The following SLC7A1 variants were observed in gnomAD, a reference collection of about 807,000 sequenced individuals.
The protein encoded by SLC7A1 is solute carrier family 7 member 1, also known as high affinity cationic amino acid transporter 1.
SLC7A1 carries 10 observed loss-of-function variants against 53.9 expected under a neutral mutation model. The observed-to-expected ratio is 0.19, with a 90% confidence interval of 0.11 to 0.31. The LOEUF (loss-of-function observed/expected upper bound fraction) is 0.31, where lower values mean the gene tolerates loss of function less well. Among genes scored for constraint, SLC7A1 ranks in the 10% least tolerant of loss-of-function variants. The probability of loss-of-function intolerance (pLI) is 1.00; values close to 1 mark genes in which losing one functional copy is unlikely to be tolerated. For missense variants in SLC7A1, 525 were observed against 827.2 expected, an observed-to-expected ratio of 0.63 and a Z score of 4.48; for synonymous variants, 342 against 338.7, an observed-to-expected ratio of 1.01 and a Z score of -0.11.
intron 1 of SLC7A1, among the ~76,000 whole-genome samples, chr13:29,593,611 C>T (rs1872193274): frequency 6.6e-6 from 1 of 152,250 alleles, no homozygotes; most frequent in Non-Finnish European, 1.5e-5. Context: ...AGCCCTCCAA[C>T]ATAATTATCT....
At chr13:29,549,379 G>A (rs1328874573) in intron 2 of SLC7A1, among the ~76,000 whole-genome samples, 1 of 152,082 alleles carries the variant, frequency 6.6e-6, no homozygotes, top group East Asian at 1.9e-4. Flanking sequence ...AGGGTGGAGT[G>A]GCCCTTTCAG....
intron 11 of SLC7A1, 124 bp from the exon 12 acceptor site, chr13:29,516,370 A>T (rs1358137279): frequency 1.5e-6 from 1 of 653,308 alleles, no homozygotes; most frequent in Non-Finnish European, 2.7e-6. Context: ...TGTGGGGAAG[A>T]GAGAGGGAGT....
chr13:29,553,664 A>C (rs2139135872), intron 2 of SLC7A1, 97 bp downstream of exon 2: 1 of 152,364 alleles, frequency 6.6e-6, no homozygotes, highest in South Asian at 2.1e-4. Flanking sequence ...GTTAACTTAA[A>C]AAGTCAACAG....
chr13:29,525,543 TAAAAC>T (rs1868845265), intron 5 of SLC7A1, among the ~76,000 whole-genome samples: 1 of 152,212 alleles, frequency 6.6e-6, no homozygotes, highest in African/African-American at 2.4e-5. Flanking sequence ...CACTGGCTGA[TAAAAC>T]AGACAGACAG....
intron 2 of SLC7A1, among the ~76,000 whole-genome samples, chr13:29,550,207 G>A (rs190164008): frequency 1.1e-3 from 161 of 152,152 alleles, no homozygotes; most frequent in Non-Finnish European, 1.5e-3. Context: ...AACCCACCTC[G>A]CTCCTAAAGT....
rs1883344357 is a variant in SLC7A1 at position 29,509,949 on chromosome 13, C to A, written c.*4531G>T. 6.6e-6 allele frequency: 1 copy of A among 152,572 alleles called. No homozygotes were observed. The highest frequency in any genetic ancestry group is 2.4e-5 in the African/African-American group (1 of 41,418). The allele number at this position is 152,572 out of a possible 1,614,324, so 9.5% of individuals were successfully genotyped here. A position where few individuals can be genotyped will look rare whatever the true frequency, so the allele number is the denominator to read the frequency against. The stretch of plus-strand genomic sequence containing the variant: ...TCATCTTAAATATATATTATAACTT[C>A]TCAAATGGGAAAATAAGTCCCAAAC... On this transcript the variant is annotated 3_prime_UTR_variant, in exon 13 of 13. Coordinates refer to ENST00000380752, the MANE Select transcript of SLC7A1 (RefSeq NM_003045.5).
At chr13:29,552,187 G>T (rs145670269) in intron 2 of SLC7A1, among the ~76,000 whole-genome samples, 15 of 151,248 alleles carry the variant, frequency 9.9e-5, no homozygotes, top group African/African-American at 3.2e-4. Flanking sequence ...TGTTAAGAAT[G>T]TAAGAGAGTG....
chr13:29,519,431 C>T lies in SLC7A1; in HGVS notation c.1292+16G>A. ...ATCTGCATTTCTGTCATGAGACCCC[C>T]AAAAGCCATACATACCGTAAGACCA... On this transcript the variant is annotated intron_variant, in intron 9 of 12. Transcript: ENST00000380752. 1 of 1,521,982 alleles carries T rather than the reference C, an allele frequency of 6.6e-7. No individual in the cohort carries two copies. The highest frequency in any genetic ancestry group is 1.1e-5 in the South Asian group (1 of 88,916). 94.3% of individuals were successfully genotyped at this position (1,521,982 alleles called of 1,614,324 possible).
intron 2 of SLC7A1, among the ~76,000 whole-genome samples, chr13:29,548,131 C>A (rs1029687344): frequency 6.6e-6 from 1 of 152,206 alleles, no homozygotes; most frequent in African/African-American, 2.4e-5. Flanking sequence ...TGAGACACTT[C>A]TCTGGGCCTA....
chr13:29,535,699 A>T, intron 3 of SLC7A1, 120 bp downstream of exon 3: 4 of 956,088 alleles, frequency 4.2e-6, no homozygotes, highest in Non-Finnish European at 6.3e-6. Flanking sequence ...ACATCCTATT[A>T]ATTCTGTGCC....
At chr13:29,588,806 C>T (rs1871992013) in intron 1 of SLC7A1, among the ~76,000 whole-genome samples, 1 of 152,104 alleles carries the variant, frequency 6.6e-6, no homozygotes, top group Admixed American at 6.6e-5. Context: ...TGCCTGGCCT[C>T]TGCAACTTTT....
intron 1 of SLC7A1, among the ~76,000 whole-genome samples, chr13:29,582,391 G>A (rs1191893132): frequency 6.6e-6 from 1 of 152,220 alleles, no homozygotes; most frequent in African/African-American, 2.4e-5. Context: ...GGCTATGACT[G>A]GGTCGCCACA....
chr13:29,523,270 C>T lies in SLC7A1; in HGVS notation c.1045G>A (p.Ala349Thr), dbSNP rs756051752. 21 of 1,612,580 alleles carry T rather than the reference C, an allele frequency of 1.3e-5. No individual in the cohort carries two copies. Among genetic ancestry groups the T allele is most frequent in the Middle Eastern group, 1.7e-4 (1 of 5,936 alleles). The stretch of plus-strand genomic sequence containing the variant: ...CACCACAGAAAGGCCTCTCACCTGG[C>T]GGAAAGAGCGCAGAGGGAGCCCACG... ...VAVGSLCALSASLLGSMFPMP... is the reference protein window; with the variant it reads ...VAVGSLCALSTSLLGSMFPMP... Residue 349 changes from alanine to threonine, a missense_variant, in exon 7 of 13, where the codon GCC becomes ACC. Transcript: ENST00000380752.
chr13:29,570,570 G>A (rs190446969), intron 1 of SLC7A1, among the ~76,000 whole-genome samples: 139 of 152,326 alleles, frequency 9.1e-4, no homozygotes, highest in Non-Finnish European at 1.8e-3. Flanking sequence ...TGATGGGACC[G>A]GGCACGGTGG....
At chr13:29,567,092 C>T (rs1017709278) in intron 1 of SLC7A1, among the ~76,000 whole-genome samples, 1 of 152,202 alleles carries the variant, frequency 6.6e-6, no homozygotes, top group Non-Finnish European at 1.5e-5. Flanking sequence ...ATTTGATAAA[C>T]TCTCCCTACA....
At chr13:29,580,943 A>G (rs1871620946) in intron 1 of SLC7A1, among the ~76,000 whole-genome samples, 1 of 151,692 alleles carries the variant, frequency 6.6e-6, no homozygotes, top group African/African-American at 2.4e-5. Flanking sequence ...CCTGAACCCC[A>G]CATTCCCACC....
intron 1 of SLC7A1, among the ~76,000 whole-genome samples, chr13:29,583,710 A>C (rs1383646548): frequency 2.0e-5 from 3 of 152,232 alleles, no homozygotes; most frequent in Non-Finnish European, 4.4e-5. Context: ...AGAGTCTTTC[A>C]GTAATTAGGC....
intron 5 of SLC7A1, 122 bp downstream of exon 5, chr13:29,530,412 CAATT>C: frequency 1.1e-6 from 1 of 915,856 alleles, no homozygotes; most frequent in Non-Finnish European, 1.7e-6. Flanking sequence ...AAACACAAAA[CAATT>C]AACAAAATAT....
At position 29,518,313 on chromosome 13, in the gene SLC7A1, T is replaced by C. The variant is rs565573359; in HGVS notation, c.1293-523A>G. ...GTACCTTAGGGTAAATAATTCTATG[T>C]GGCTTGTTGGAGGGCCGAGCCTGCA... On this transcript the variant is annotated intron_variant, in intron 9 of 12. Coordinates refer to ENST00000380752, the MANE Select transcript of SLC7A1 (RefSeq NM_003045.5). 4.6e-5 allele frequency among the ~76,000 whole-genome samples: 7 copies of C among 152,304 alleles called. No homozygotes were observed. The South Asian group carries it at 1.4e-3, about 32-fold the overall frequency.
Sources: gnomAD v4.1 joint callset for allele counts (sites outside exome capture counted in the v4.1 genomes callset) on GRCh38, gnomAD v4.1.1 for gene constraint, MANE v1.5 for transcripts, NCBI Gene and HGNC (gene_info 2026-07-23, HGNC 2026-07-21) for gene names.